The following AMBRA1 variants were observed in gnomAD, a reference collection of about 807,000 sequenced individuals.
AMBRA1 encodes activating molecule in BECN1-regulated autophagy protein 1.
Under a neutral mutation model 125.4 loss-of-function variants are expected in AMBRA1, and 47 were observed. The ratio of observed to expected loss-of-function variants is 0.37; its 90% CI spans 0.30 to 0.48. AMBRA1 has a LOEUF of 0.48. Ranked by LOEUF, AMBRA1 falls within the 20% of genes least tolerant of loss-of-function variation. The pLI is 0.99. For synonymous variants in AMBRA1, 626 were observed against 655.5 expected, an observed-to-expected ratio of 0.95 and a Z score of 0.69; for missense variants, 1,331 against 1,693.4, an observed-to-expected ratio of 0.79 and a Z score of 3.76.
chr11:46,565,261 A>C (rs576442715), intron 1 of AMBRA1, among the ~76,000 whole-genome samples: 4 of 152,198 alleles, frequency 2.6e-5, no homozygotes, highest in South Asian at 2.1e-4. Flanking sequence ...TCCCTCTAAA[A>C]AAAAAACGAA....
intron 7 of AMBRA1, among the ~76,000 whole-genome samples, chr11:46,524,638 T>C (rs773033996): frequency 2.5e-4 from 38 of 152,308 alleles, no homozygotes; most frequent in Middle Eastern, 3.4e-3. Flanking sequence ...TTTCACATGG[T>C]TATTATGATT....
chr11:46,584,896 AC>A (rs1434210656), intron 1 of AMBRA1, among the ~76,000 whole-genome samples: 1 of 152,064 alleles, frequency 6.6e-6, no homozygotes, highest in Non-Finnish European at 1.5e-5. Flanking sequence ...ACATGGTGAA[AC>A]CCTGTCTCTA....
chr11:46,476,409 A>T (rs533645868), intron 11 of AMBRA1, among the ~76,000 whole-genome samples: 1 of 152,256 alleles, frequency 6.6e-6, no homozygotes, highest in Admixed American at 6.5e-5. Context: ...TTGTGGTTAG[A>T]TAATAGTGGT....
intron 13 of AMBRA1, among the ~76,000 whole-genome samples, 162 bp from the exon 14 acceptor site, chr11:46,433,790 T>C (rs906074501): frequency 6.6e-6 from 1 of 152,216 alleles, no homozygotes; most frequent in African/African-American, 2.4e-5. Context: ...AGAAGGCATA[T>C]ACATACTGAG....
At chr11:46,423,019 A>G (rs1289934224) in intron 14 of AMBRA1, among the ~76,000 whole-genome samples, 3 of 152,204 alleles carry the variant, frequency 2.0e-5, no homozygotes, top group African/African-American at 4.8e-5. Context: ...TAATGATGGG[A>G]ATTAAGGAAG....
intron 7 of AMBRA1, among the ~76,000 whole-genome samples, chr11:46,519,261 T>C (rs1288780541): frequency 7.2e-6 from 1 of 137,998 alleles, no homozygotes; most frequent in Non-Finnish European, 1.5e-5. Context: ...TGGCCTCATA[T>C]AATCCACCCA....
At chr11:46,411,115 G>GAAAAAAAAAAA (rs1311400190) in intron 15 of AMBRA1, among the ~76,000 whole-genome samples, 1 of 115,612 alleles carries the variant, frequency 8.6e-6, no homozygotes, top group Non-Finnish European at 1.9e-5. Context: ...AAAAAAAAAA[G>GAAAAAAAAAAA]AAAAAAAAAA....
intron 7 of AMBRA1, among the ~76,000 whole-genome samples, chr11:46,515,816 A>C (rs911854958): frequency 2.0e-5 from 3 of 151,954 alleles, no homozygotes; most frequent in Non-Finnish European, 4.4e-5. Flanking sequence ...GCTGGGATTA[A>C]AGGCATGCGC....
chr11:46,512,563 A>C (rs1241388905), intron 8 of AMBRA1, among the ~76,000 whole-genome samples, 164 bp downstream of exon 8: 3 of 152,122 alleles, frequency 2.0e-5, no homozygotes. Flanking sequence ...CTGTTCACTT[A>C]CCTGCAATAC....
chr11:46,474,411 CAG>C (rs1357038791), intron 11 of AMBRA1, among the ~76,000 whole-genome samples: 1 of 152,022 alleles, frequency 6.6e-6, no homozygotes, highest in Non-Finnish European at 1.5e-5. Flanking sequence ...TTTTTTGAGA[CAG>C]AGTCTTGCTC....
Position 46,542,978 on chromosome 11 carries a change from C to T in AMBRA1, c.1039G>A (p.Glu347Lys), listed in dbSNP as rs1389326926. ...GCCTGCTCCGGGGGATGGAAGGGCT[C>T]GGTCTGTACAAAAGAAAAGGAAGGG... ...TTPSFSFVQT[E>K]PFHPPEQASS... Residue 347 changes from glutamate (E) to lysine (K), a missense_variant, in exon 7 of 18, where the codon GAG becomes AAG. Coordinates refer to ENST00000683756, the MANE Select transcript of AMBRA1 (RefSeq NM_001387011.1). This position sits in a 1 kb window ranked among gnomAD's most constrained non-coding sequence, Gnocchi z 5.9. 2.5e-6 allele frequency: 4 copies of T among 1,602,848 alleles called. No homozygotes were observed. Among genetic ancestry groups the T allele is most frequent in the African/African-American group, 1.3e-5 (1 of 74,832 alleles).
intron 12 of AMBRA1, among the ~76,000 whole-genome samples, chr11:46,441,966 A>C (rs1002016247): frequency 2.7e-5 from 4 of 150,432 alleles, no homozygotes; most frequent in African/African-American, 7.4e-5. Flanking sequence ...AAAAAAAAAA[A>C]AAACTTTTTT....
chr11:46,534,480 A>T (rs1188677443), intron 7 of AMBRA1, among the ~76,000 whole-genome samples: 1 of 152,068 alleles, frequency 6.6e-6, no homozygotes, highest in East Asian at 1.9e-4. Flanking sequence ...GGGCAAGAAG[A>T]GCGAAACTCC....
At chr11:46,585,167 G>C (rs575614214) in intron 1 of AMBRA1, among the ~76,000 whole-genome samples, 18 of 152,158 alleles carry the variant, frequency 1.2e-4, no homozygotes, top group African/African-American at 4.1e-4. Flanking sequence ...CTCGTTAAGA[G>C]TCATCACCAC....
intron 1 of AMBRA1, among the ~76,000 whole-genome samples, chr11:46,573,716 G>T (rs2043852603): frequency 6.9e-6 from 1 of 144,012 alleles, no homozygotes; most frequent in African/African-American, 2.6e-5. Context: ...TGCATATTGT[G>T]CAGGTTAGTT....
intron 7 of AMBRA1, among the ~76,000 whole-genome samples, chr11:46,521,135 C>G (rs1455784519): frequency 6.6e-6 from 1 of 152,256 alleles, no homozygotes; most frequent in African/African-American, 2.4e-5. Flanking sequence ...TTGCCCCTCA[C>G]TGGCGACAAG....
chr11:46,510,465 G>A (rs1000391469), intron 8 of AMBRA1, among the ~76,000 whole-genome samples: 1 of 152,116 alleles, frequency 6.6e-6, no homozygotes, highest in African/African-American at 2.4e-5. Context: ...TATACAAGGA[G>A]AAAAATCTCA....
At chr11:46,417,761 G>T in intron 15 of AMBRA1, 152 bp downstream of exon 15, 1 of 834,568 alleles carries the variant, frequency 1.2e-6, no homozygotes, top group Non-Finnish European at 1.7e-6. Context: ...CAGCCCCTGT[G>T]GGAAGAGGGC....
At chr11:46,450,046 G>A (rs1263368107) in intron 11 of AMBRA1, among the ~76,000 whole-genome samples, 7 of 146,138 alleles carry the variant, frequency 4.8e-5, no homozygotes, top group Non-Finnish European at 7.5e-5. Flanking sequence ...GCAACAGAGC[G>A]AGACTGTCTC....
Sources: gnomAD v4.1 joint callset for allele counts (sites outside exome capture counted in the v4.1 genomes callset) on GRCh38, gnomAD v4.1.1 for gene constraint, Gnocchi (gnomAD v3.1) non-coding constraint, MANE v1.5 for transcripts, NCBI Gene and HGNC (gene_info 2026-07-23, HGNC 2026-07-21) for gene names.